XIRP2: variants seen among roughly 807,000 people sequenced by gnomAD.
XIRP2 encodes the protein xin actin binding repeat containing 2.
A neutral mutation model predicts 277.0 loss-of-function variants in XIRP2; 236 were observed. That is an observed-to-expected ratio of 0.85 (90% CI 0.77 to 0.95). The LOEUF is 0.95. Among genes scored for constraint, XIRP2 ranks in the 40% least tolerant of loss-of-function variants. The pLI is 0.00. For missense variants in XIRP2, 4,640 were observed against 4,157.5 expected (o/e 1.12, Z -3.19); for synonymous variants, 1,490 against 1,416.5 (o/e 1.05, Z -1.17).
chr2:167,214,476 C>CAAAA (rs569699283), intron 4 of XIRP2, among the ~76,000 whole-genome samples: 1 of 84,646 alleles, frequency 1.2e-5, no homozygotes, highest in Non-Finnish European at 2.7e-5. Flanking sequence ...GACTCCATCT[C>CAAAA]AAAAAAAAAA....
intron 2 of XIRP2, among the ~76,000 whole-genome samples, chr2:167,025,520 T>G (rs1688127317): frequency 6.6e-6 from 1 of 151,748 alleles, no homozygotes; most frequent in Non-Finnish European, 1.5e-5. Context: ...TTGCTCTTGC[T>G]TTTCTAGTTC....
intron 3 of XIRP2, among the ~76,000 whole-genome samples, chr2:167,154,170 C>A (rs2105334229): frequency 6.7e-6 from 1 of 149,564 alleles, no homozygotes; most frequent in Admixed American, 6.6e-5. Flanking sequence ...TGATGGTGAG[C>A]ATTTTTTCAT....
At chr2:167,228,743 C>A (rs563265993) in intron 5 of XIRP2, among the ~76,000 whole-genome samples, 25 of 152,170 alleles carry the variant, frequency 1.6e-4, no homozygotes, top group Non-Finnish European at 3.5e-4. Context: ...TCATTGGTTT[C>A]TTTTCTTTCT....
chr2:167,246,326 C>T lies in XIRP2; in HGVS notation c.4934C>T (p.Thr1645Ile), dbSNP rs1280546417. 1.9e-6 allele frequency: 3 copies of T among 1,612,640 alleles called. No homozygotes were observed. The African/African-American group carries it at 4.0e-5, about 22-fold the overall frequency. ...AAAACTCAATTATTAAACAGATCAACTGAATTTCATGCTGAAAAAGAAGAG... is the reference window on the plus strand; with the variant it reads ...AAAACTCAATTATTAAACAGATCAATTGAATTTCATGCTGAAAAAGAAGAG... ...LTKTQLLNRS[T>I]EFHAEKEEIV... Residue 1645 changes from threonine to isoleucine, a missense_variant, in exon 9 of 11, where the codon ACT becomes ATT. Transcript: ENST00000409195.
Position 167,248,978 on chromosome 2 carries a change from G to A in XIRP2, c.7586G>A (p.Gly2529Glu). ...IKSHSFPESS[G>E]QQNPKPYMRK... ...TCTCATTCATTTCCAGAGAGTTCAG[G>A]ACAACAAAATCCAAAACCTTATATG... is the stretch of plus-strand genomic sequence containing the variant. The change falls in exon 9 of 11, where the codon GGA becomes GAA. Residue 2529 changes from glycine (G) to glutamate (E), a missense_variant. Transcript: ENST00000409195. The A allele has an allele frequency of 6.2e-7, 1 of 1,613,360 alleles. No homozygotes were observed. Among genetic ancestry groups the A allele is most frequent in the South Asian group, 1.1e-5 (1 of 90,984 alleles).
chr2:166,913,316 C>CA (rs71395264), intron 2 of XIRP2, among the ~76,000 whole-genome samples: 11 of 131,176 alleles, frequency 8.4e-5, no homozygotes, highest in Non-Finnish European at 1.7e-4. Flanking sequence ...GGGCACCCCC[C>CA]CCCCCCAGCC....
chr2:167,067,750 T>C (rs1051969401), intron 2 of XIRP2, among the ~76,000 whole-genome samples: 1 of 152,212 alleles, frequency 6.6e-6, no homozygotes, highest in Non-Finnish European at 1.5e-5. Flanking sequence ...AAAAATGCAC[T>C]ATCTGTGAAG....
intron 2 of XIRP2, among the ~76,000 whole-genome samples, chr2:166,940,449 C>T (rs988339067): frequency 6.6e-6 from 1 of 152,216 alleles, no homozygotes; most frequent in Non-Finnish European, 1.5e-5. Flanking sequence ...CTCAACTCTT[C>T]AAAGTCATTC....
At position 167,248,048 on chromosome 2, in the gene XIRP2, C is replaced by G. The variant is rs755049223; in HGVS notation, c.6656C>G (p.Thr2219Arg). The G allele has an allele frequency of 6.2e-7, 1 of 1,613,610 alleles. No individual in the cohort carries two copies. The highest frequency in any genetic ancestry group is 8.5e-7 in the Non-Finnish European group (1 of 1,179,740). Residue 2219 changes from threonine to arginine, a missense_variant, in exon 9 of 11, where the codon ACA becomes AGA. Physicochemically the swap from Thr to Arg is moderately conservative, Grantham distance 71. Coordinates refer to ENST00000409195, the MANE Select transcript of XIRP2 (RefSeq NM_152381.6). ...CAGCTTTTGCCTGTAGAGCAAGACACATCCAATGTAACAGAAATGAAAGTC... is the reference window on the plus strand; with the variant it reads ...CAGCTTTTGCCTGTAGAGCAAGACAGATCCAATGTAACAGAAATGAAAGTC... ...MWQLLPVEQDTSNVTEMKVSE... is the reference protein window; with the variant it reads ...MWQLLPVEQDRSNVTEMKVSE...
intron 1 of XIRP2, among the ~76,000 whole-genome samples, chr2:166,892,983 C>T (rs918379931): frequency 4.6e-4 from 63 of 136,382 alleles, no homozygotes; most frequent in East Asian, 1.6e-3. Flanking sequence ...TATGTATATA[C>T]ACACACACAC....
At chr2:167,032,212 C>G (rs1344495058) in intron 2 of XIRP2, among the ~76,000 whole-genome samples, 2 of 152,078 alleles carry the variant, frequency 1.3e-5, no homozygotes, top group East Asian at 3.9e-4. Flanking sequence ...GAAGGGATTC[C>G]CTATTTAATA....
rs976655983 is a variant in XIRP2 at position 166,969,363 on chromosome 2, C to T, written c.408+65473C>T. Among the ~76,000 whole-genome samples the T allele has an allele frequency of 6.6e-5, 10 of 151,894 alleles. No homozygotes were observed. The South Asian group carries it at 8.3e-4, about 13-fold the overall frequency. ...AATTTATTCACGTCTAGTCAATATT[C>T]ACCAGTTAATGAAGTTCCAGATTTC... On this transcript the variant is annotated intron_variant, in intron 2 of 10. Coordinates refer to ENST00000409195, the MANE Select transcript of XIRP2 (RefSeq NM_152381.6).
intron 2 of XIRP2, among the ~76,000 whole-genome samples, chr2:167,068,624 T>C (rs2105247913): frequency 6.6e-6 from 1 of 152,226 alleles, no homozygotes; most frequent in Non-Finnish European, 1.5e-5. Context: ...TTTTCCTTTT[T>C]TAAACTAACT....
chr2:167,196,761 A>G (rs1027492670), intron 3 of XIRP2, among the ~76,000 whole-genome samples: 1 of 151,998 alleles, frequency 6.6e-6, no homozygotes, highest in Non-Finnish European at 1.5e-5. Context: ...TTCTTCCTAG[A>G]TCCCACAAAA....
rs149372014 is a variant in XIRP2 at position 167,220,488 on chromosome 2, A to T, written c.858+2188A>T. Among the ~76,000 whole-genome samples the T allele has an allele frequency of 5.3e-5, 8 of 152,352 alleles. No individual in the cohort carries two copies. In the East Asian group the frequency reaches 1.3e-3, roughly 26 times the overall value. ...TTGCCTGGTCCATTGTAAGCTCCAC[A>T]CAAATATTTGTTCAAACAGTAAACA... is the stretch of plus-strand genomic sequence containing the variant. On this transcript the variant is annotated intron_variant, in intron 5 of 10. Coordinates refer to ENST00000409195, the MANE Select transcript of XIRP2 (RefSeq NM_152381.6).
intron 2 of XIRP2, among the ~76,000 whole-genome samples, chr2:166,915,234 G>A (rs778672791): frequency 1.4e-5 from 2 of 143,780 alleles, no homozygotes; most frequent in Non-Finnish European, 3.0e-5. Flanking sequence ...CTGGGAGGTG[G>A]AGCTTGCAGT....
intron 2 of XIRP2, among the ~76,000 whole-genome samples, chr2:166,923,707 G>T (rs1403924542): frequency 6.6e-6 from 1 of 152,124 alleles, no homozygotes; most frequent in Non-Finnish European, 1.5e-5. Flanking sequence ...GTTTCAAGGA[G>T]TTCACACTTT....
intron 2 of XIRP2, among the ~76,000 whole-genome samples, chr2:166,950,133 T>G (rs928256345): frequency 6.6e-6 from 1 of 152,038 alleles, no homozygotes; most frequent in African/African-American, 2.4e-5. Flanking sequence ...TTCTAAGATA[T>G]TACTCTACAC....
At chr2:167,041,901 A>C (rs1435114169) in intron 2 of XIRP2, among the ~76,000 whole-genome samples, 1 of 152,176 alleles carries the variant, frequency 6.6e-6, no homozygotes, top group Non-Finnish European at 1.5e-5. Flanking sequence ...AAGTCAATAC[A>C]AAAGAAACAA....
Sources: gnomAD v4.1 joint callset for allele counts (sites outside exome capture counted in the v4.1 genomes callset) on GRCh38, gnomAD v4.1.1 for gene constraint, MANE v1.5 for transcripts, NCBI Gene and HGNC (gene_info 2026-07-23, HGNC 2026-07-21) for gene names.